WNK2: variants seen among roughly 807,000 people sequenced by gnomAD.
WNK2 encodes WNK lysine deficient protein kinase 2, also known as serine/threonine-protein kinase WNK2.
WNK2 carries 67 observed loss-of-function variants against 192.1 expected under a neutral mutation model. That is an observed-to-expected ratio of 0.35 (90% CI 0.29 to 0.43). The LOEUF is 0.43. Ranked by LOEUF, WNK2 falls within the 20% of genes least tolerant of loss-of-function variation. WNK2 has a pLI of 1.00. For synonymous variants in WNK2, 1,439 were observed against 1,393.9 expected (o/e 1.03, Z -0.72); for missense variants, 2,698 against 3,089.7 (o/e 0.87, Z 3.01).
chr9:93,185,132 C>CT lies in WNK2; in HGVS notation c.203_204insT (p.Gln69AlafsTer88). On this transcript the variant is annotated frameshift_variant, in exon 2 of 30. Coordinates refer to ENST00000427277, the MANE Select transcript of WNK2 (RefSeq NM_006648.4). LOFTEE classifies it high-confidence loss of function. ...GCCGAGGCGCCGGGCCCGCAGCCCC[C>CT]GCAGCCCCTGCAGCGCCGGGTGCTT... The CT allele has an allele frequency of 1.5e-6, 2 of 1,307,270 alleles. No homozygotes were observed. Among genetic ancestry groups the CT allele is most frequent in the South Asian group, 1.9e-5 (1 of 52,876 alleles). 81.0% of individuals were successfully genotyped at this position (1,307,270 alleles called of 1,614,324 possible). A position where few individuals can be genotyped will look rare whatever the true frequency, so the allele number is the denominator to read the frequency against.
At chr9:93,298,877 G>C (rs1258493948) in intron 24 of WNK2, among the ~76,000 whole-genome samples, 193 bp from the exon 25 acceptor site, 1 of 152,232 alleles carries the variant, frequency 6.6e-6, no homozygotes, top group Admixed American at 6.5e-5. Context: ...GTGGGGGCTG[G>C]TAGAGACTGG....
intron 16 of WNK2, among the ~76,000 whole-genome samples, 162 bp from the exon 17 acceptor site, chr9:93,267,584 A>T (rs564225417): frequency 6.6e-6 from 1 of 152,152 alleles, no homozygotes; most frequent in Non-Finnish European, 1.5e-5. Context: ...GGGGCCATCC[A>T]TGTCACTTGC....
intron 2 of WNK2, among the ~76,000 whole-genome samples, chr9:93,191,084 G>A (rs1830254198): frequency 6.6e-6 from 1 of 152,118 alleles, no homozygotes; most frequent in Admixed American, 6.5e-5. Context: ...TGGTGGCAGT[G>A]CCACGACTGT....
At chr9:93,264,349 G>A (rs577243187) in intron 16 of WNK2, among the ~76,000 whole-genome samples, 6 of 152,254 alleles carry the variant, frequency 3.9e-5, no homozygotes, top group Non-Finnish European at 7.4e-5. Context: ...AGTGAGGCAC[G>A]GGAGGGCATC....
intron 29 of WNK2, chr9:93,318,641 G>A: frequency 6.4e-7 from 1 of 1,568,142 alleles, no homozygotes; most frequent in Non-Finnish European, 8.7e-7. Context: ...AGCTGGAGAG[G>A]CTGCCCTCTC....
intron 2 of WNK2, among the ~76,000 whole-genome samples, chr9:93,221,287 C>A (rs1313742606): frequency 1.3e-5 from 2 of 152,186 alleles, no homozygotes; most frequent in African/African-American, 4.8e-5. Context: ...GGCACCACCC[C>A]CATTGCATGT....
chr9:93,320,428 A>G lies in WNK2; in HGVS notation c.*36A>G, dbSNP rs748285329. On this transcript the variant is annotated 3_prime_UTR_variant, in exon 30 of 30. Coordinates refer to ENST00000427277, the MANE Select transcript of WNK2 (RefSeq NM_006648.4). ...ACGCCAGGCCCACTTCACGCCGTCT[A>G]AGTGGAGAAGTGACGGACCCTCAGG... The G allele has an allele frequency of 8.8e-6, 12 of 1,367,466 alleles. No individual in the cohort carries two copies. The highest frequency in any genetic ancestry group is 9.8e-6 in the Non-Finnish European group (10 of 1,021,842). The allele number at this position is 1,367,466 out of a possible 1,614,324, so 84.7% of individuals were successfully genotyped here.
chr9:93,204,550 G>C (rs1210478597), intron 2 of WNK2, among the ~76,000 whole-genome samples: 1 of 152,244 alleles, frequency 6.6e-6, no homozygotes, highest in Non-Finnish European at 1.5e-5. Flanking sequence ...AAGGTGCCTG[G>C]CATGGGGGAT....
intron 2 of WNK2, among the ~76,000 whole-genome samples, chr9:93,202,401 G>A (rs2131290572): frequency 6.6e-6 from 1 of 151,338 alleles, no homozygotes; most frequent in South Asian, 2.1e-4. Context: ...CCAGGGAATG[G>A]CCTGCCCCTC....
At chr9:93,272,775 G>T (rs972123384) in intron 19 of WNK2, among the ~76,000 whole-genome samples, 1 of 140,256 alleles carries the variant, frequency 7.1e-6, no homozygotes, top group Non-Finnish European at 1.5e-5. Flanking sequence ...ACCCGGAAGA[G>T]GAAATGAGAA....
At chr9:93,256,513 CCCCTGGG>C in intron 10 of WNK2, 59 bp downstream of exon 10, 2 of 1,446,878 alleles carry the variant, frequency 1.4e-6, no homozygotes, top group Non-Finnish European at 9.1e-7. Flanking sequence ...CCTGTGCTGG[CCCCTGGG>C]CCCAGGTCTA....
At chr9:93,308,169 G>A (rs1215374287) in intron 27 of WNK2, 159 bp from the exon 28 acceptor site, 4 of 1,397,306 alleles carry the variant, frequency 2.9e-6, no homozygotes, top group Non-Finnish European at 3.8e-6. Context: ...ACCCTGGGCA[G>A]CCAGGCCCCT....
At chr9:93,221,031 C>T (rs1331149783) in intron 2 of WNK2, among the ~76,000 whole-genome samples, 5 of 152,030 alleles carry the variant, frequency 3.3e-5, no homozygotes, top group Admixed American at 2.0e-4. Flanking sequence ...TCTTTGCCCA[C>T]GATGGAGGGT....
At chr9:93,249,257 A>C (rs1842199898) in intron 8 of WNK2, among the ~76,000 whole-genome samples, 1 of 152,204 alleles carries the variant, frequency 6.6e-6, no homozygotes, top group Non-Finnish European at 1.5e-5. Flanking sequence ...CAAACTTTGA[A>C]AAGACATAGT....
At chr9:93,319,951 C>T (rs2134516171) in intron 29 of WNK2, among the ~76,000 whole-genome samples, 1 of 152,312 alleles carries the variant, frequency 6.6e-6, no homozygotes, top group East Asian at 1.9e-4. Context: ...GTGTCTCCTG[C>T]CCGGTCCACT....
At chr9:93,221,144 T>C (rs1053916993) in intron 2 of WNK2, among the ~76,000 whole-genome samples, 2 of 152,320 alleles carry the variant, frequency 1.3e-5, no homozygotes, top group South Asian at 4.1e-4. Context: ...GTCCCAAAAC[T>C]GACCTGCCGT....
At chr9:93,241,448 A>G (rs1026349405) in intron 7 of WNK2, among the ~76,000 whole-genome samples, 1 of 152,130 alleles carries the variant, frequency 6.6e-6, no homozygotes, top group Admixed American at 6.6e-5. Context: ...CTTTCTTTTG[A>G]ATAAGCTTTT....
chr9:93,202,053 G>A (rs368210116), intron 2 of WNK2, among the ~76,000 whole-genome samples: 8 of 152,314 alleles, frequency 5.3e-5, no homozygotes, highest in African/African-American at 1.4e-4. Flanking sequence ...TCACAGGGGG[G>A]TCTCACACTC....
Position 93,257,216 on chromosome 9 carries a change from CAG to C in WNK2, c.2382+80_2382+81del. 6.8e-7 allele frequency: 1 copy of C among 1,473,068 alleles called. No homozygotes were observed. Among genetic ancestry groups the C allele is most frequent in the Non-Finnish European group, 9.1e-7 (1 of 1,094,208 alleles). The allele number at this position is 1,473,068 out of a possible 1,614,324, so 91.2% of individuals were successfully genotyped here. On this transcript the variant is annotated intron_variant, in intron 11 of 29. Transcript: ENST00000427277. The surrounding 1 kb of genome is among the most constrained non-coding windows in gnomAD (Gnocchi z 4.7). ...CCTGGCTGGTGCACTAGGACACCCA[CAG>C]AGGGGGTTGTCTGTGCATGTGACCT...
Sources: gnomAD v4.1 joint callset for allele counts (sites outside exome capture counted in the v4.1 genomes callset) on GRCh38, gnomAD v4.1.1 for gene constraint, Gnocchi (gnomAD v3.1) non-coding constraint, MANE v1.5 for transcripts, NCBI Gene and HGNC (gene_info 2026-07-23, HGNC 2026-07-21) for gene names.